The following PLXDC2 variants were observed in gnomAD, a reference collection of about 807,000 sequenced individuals.
PLXDC2 encodes plexin domain-containing protein 2.
Under a neutral mutation model 68.9 loss-of-function variants are expected in PLXDC2, and 40 were observed. The observed-to-expected ratio is 0.58, with a 90% confidence interval of 0.45 to 0.76. The LOEUF (loss-of-function observed/expected upper bound fraction) is 0.76. Ranked by LOEUF, PLXDC2 falls within the 30% of genes least tolerant of loss-of-function variation. PLXDC2 has a pLI of 0.00. For missense variants in PLXDC2, 644 were observed against 661.9 expected (o/e 0.97, Z 0.30); for synonymous variants, 243 against 234.2 (o/e 1.04, Z -0.34).
chr10:19,833,812 T>A (rs1836739800), intron 1 of PLXDC2, among the ~76,000 whole-genome samples: 1 of 152,172 alleles, frequency 6.6e-6, no homozygotes, highest in Non-Finnish European at 1.5e-5. Flanking sequence ...AGGTAAGCAA[T>A]CTATGTGTAA....
chr10:20,171,515 G>A (rs924958492), intron 7 of PLXDC2, among the ~76,000 whole-genome samples: 1 of 152,062 alleles, frequency 6.6e-6, no homozygotes, highest in Non-Finnish European at 1.5e-5. Context: ...ACACTTCCAA[G>A]AAAGAGAGCA....
intron 1 of PLXDC2, among the ~76,000 whole-genome samples, chr10:19,870,749 C>T (rs1837519186): frequency 6.6e-6 from 1 of 152,136 alleles, no homozygotes; most frequent in Non-Finnish European, 1.5e-5. Context: ...TGTACTTCAA[C>T]TATTACTATT....
chr10:20,093,944 A>G (rs1189338188), intron 4 of PLXDC2, among the ~76,000 whole-genome samples: 1 of 152,178 alleles, frequency 6.6e-6, no homozygotes, highest in Non-Finnish European at 1.5e-5. Flanking sequence ...CAGTGTTAGG[A>G]TTACAGGCAT....
intron 5 of PLXDC2, among the ~76,000 whole-genome samples, chr10:20,144,861 C>A (rs950024124): frequency 2.0e-5 from 3 of 152,150 alleles, no homozygotes; most frequent in Non-Finnish European, 4.4e-5. Flanking sequence ...CTGTTGCTAT[C>A]AAAATCATAA....
At chr10:20,134,262 A>G (rs1833905423) in intron 4 of PLXDC2, among the ~76,000 whole-genome samples, 2 of 152,142 alleles carry the variant, frequency 1.3e-5, no homozygotes, top group African/African-American at 2.4e-5. Context: ...TCTTGATGCT[A>G]TCATGTTTCC....
At chr10:19,966,370 A>AAAGATATATATGTGCACATATAT (rs1834253414) in intron 1 of PLXDC2, among the ~76,000 whole-genome samples, 1 of 133,478 alleles carries the variant, frequency 7.5e-6, no homozygotes, top group Non-Finnish European at 1.7e-5. Context: ...CACATATATA[A>AAAGATATATATGTGCACATATAT]AAAATATATA....
chr10:20,232,509 T>C (rs570928556), intron 12 of PLXDC2, among the ~76,000 whole-genome samples: 4 of 152,148 alleles, frequency 2.6e-5, no homozygotes, highest in African/African-American at 7.2e-5. Flanking sequence ...ATAAACAAAT[T>C]GAGTGCATGT....
chr10:20,058,402 A>G (rs1564299471), intron 3 of PLXDC2, among the ~76,000 whole-genome samples: 10 of 152,124 alleles, frequency 6.6e-5, no homozygotes. Context: ...AACATTGAGT[A>G]TATTATTTAC....
At chr10:20,004,780 G>A (rs545803310) in intron 2 of PLXDC2, among the ~76,000 whole-genome samples, 69 of 152,018 alleles carry the variant, frequency 4.5e-4, no homozygotes, top group Non-Finnish European at 8.5e-4. Flanking sequence ...ATACAATCCC[G>A]GTGGTTACTG....
chr10:19,988,382 G>A (rs1015615673), intron 1 of PLXDC2, among the ~76,000 whole-genome samples: 1 of 152,170 alleles, frequency 6.6e-6, no homozygotes, highest in East Asian at 1.9e-4. Flanking sequence ...GTAGGTTAGA[G>A]AAATTATATC....
At chr10:20,232,620 C>T (rs553514545) in intron 12 of PLXDC2, among the ~76,000 whole-genome samples, 2 of 152,252 alleles carry the variant, frequency 1.3e-5, no homozygotes, top group African/African-American at 4.8e-5. Context: ...AGATGCCAGA[C>T]ACAGTGGAGT....
intron 2 of PLXDC2, among the ~76,000 whole-genome samples, chr10:20,012,811 T>C (rs1417209467): frequency 6.6e-6 from 1 of 152,210 alleles, no homozygotes; most frequent in Non-Finnish European, 1.5e-5. Flanking sequence ...TCTTTTTGTG[T>C]TTCCCTGAAA....
intron 2 of PLXDC2, among the ~76,000 whole-genome samples, chr10:20,046,662 CTATT>C (rs1835803994): frequency 6.6e-6 from 1 of 151,946 alleles, no homozygotes; most frequent in African/African-American, 2.4e-5. Flanking sequence ...AATCATAGAG[CTATT>C]TATTAACATT....
Position 20,285,493 on chromosome 10 carries a change from A to C in PLXDC2, c.*5674A>C, listed in dbSNP as rs1836141283. 6.6e-6 allele frequency: 1 copy of C among 152,222 alleles called. No individual in the cohort carries two copies. Among genetic ancestry groups the C allele is most frequent in the Non-Finnish European group, 1.5e-5 (1 of 68,042 alleles). 9.4% of individuals were successfully genotyped at this position (152,222 alleles called of 1,614,324 possible). On this transcript the variant is annotated 3_prime_UTR_variant, in exon 14 of 14. Coordinates refer to ENST00000377252, the MANE Select transcript of PLXDC2 (RefSeq NM_032812.9). The stretch of plus-strand genomic sequence containing the variant: ...TCAACTCCAATTTTCTATTCTACTT[A>C]AAATGGGAACTAGAAACTGTTTGCC...
At chr10:19,955,309 A>G (rs142184035) in intron 1 of PLXDC2, among the ~76,000 whole-genome samples, 226 of 151,722 alleles carry the variant, frequency 1.5e-3, no homozygotes, top group Non-Finnish European at 2.2e-3. Context: ...CTGAGATGAC[A>G]GATGTGAGCC....
rs1334059729 is a variant in PLXDC2, at chr10:20,126,411, AAC to A, written c.542-16879_542-16878del. On this transcript the variant is annotated intron_variant, in intron 4 of 13. Transcript: ENST00000377252. The stretch of plus-strand genomic sequence containing the variant: ...TTATATAATACATATATGTATATAC[AAC>A]ACACGTTATATATGTATATACAACA... 3.6e-5 allele frequency among the ~76,000 whole-genome samples: 3 copies of A among 83,516 alleles called. 1 individual carries two copies. The highest frequency in any genetic ancestry group is 1.0e-4 in the African/African-American group (3 of 29,898). 54.8% of individuals were successfully genotyped at this position (83,516 alleles called of 152,430 possible).
rs141463283 is a variant in PLXDC2 at position 19,826,127 on chromosome 10, T to G, written c.112+8936T>G. On this transcript the variant is annotated intron_variant, in intron 1 of 13. Transcript: ENST00000377252. The stretch of plus-strand genomic sequence containing the variant: ...TGTTCTTAGTGGATATGGGTTCCTG[T>G]GATTTCAAGGAATGCTGTCCTGAAC... 3.9e-3 allele frequency among the ~76,000 whole-genome samples: 597 copies of G among 152,364 alleles called. 4 individuals carry two copies. Among genetic ancestry groups the G allele is most frequent in the African/African-American group, 0.014 (572 of 41,584 alleles).
intron 1 of PLXDC2, among the ~76,000 whole-genome samples, chr10:19,846,799 G>A (rs983669746): frequency 7.9e-5 from 12 of 152,078 alleles, no homozygotes; most frequent in African/African-American, 2.4e-4. Context: ...TCCTGTATTT[G>A]TCTGTTTTCA....
At chr10:19,976,932 A>C (rs1289355836) in intron 1 of PLXDC2, among the ~76,000 whole-genome samples, 1 of 148,314 alleles carries the variant, frequency 6.7e-6, no homozygotes, top group African/African-American at 2.5e-5. Context: ...TGAAATTTCA[A>C]TTTCTAGGAG....
Sources: gnomAD v4.1 joint callset for allele counts (sites outside exome capture counted in the v4.1 genomes callset) on GRCh38, gnomAD v4.1.1 for gene constraint, MANE v1.5 for transcripts, NCBI Gene and HGNC (gene_info 2026-07-23, HGNC 2026-07-21) for gene names.